Variants in TEKT2 observed in about 807,000 individuals in gnomAD.
TEKT2 encodes tektin-2.
Under a neutral mutation model 49.8 loss-of-function variants are expected in TEKT2, and 45 were observed. The observed-to-expected ratio is 0.90, with a 90% confidence interval of 0.71 to 1.16. The LOEUF (loss-of-function observed/expected upper bound fraction) is 1.16. Among genes scored for constraint, TEKT2 ranks in the 50% most tolerant of loss-of-function variants. TEKT2 has a pLI of 0.00. For synonymous variants in TEKT2, 202 were observed against 224.6 expected, an observed-to-expected ratio of 0.90 and a Z score of 0.90; for missense variants, 523 against 551.4, an observed-to-expected ratio of 0.95 and a Z score of 0.52.
In TEKT2 at chr1:36,086,802, C is replaced by T; in HGVS notation, c.587C>T (p.Ser196Phe). ...GGCTGTCTCTCTCTCAACCTCAGATCCCCAAACATCTCGCTGAAGGTTGAC... is the reference window on the plus strand; with the variant it reads ...GGCTGTCTCTCTCTCAACCTCAGATTCCCAAACATCTCGCTGAAGGTTGAC... ...DRGCLSLNLR[S>F]PNISLKVDPT... The change falls in exon 5 of 10, where the codon TCC becomes TTC. Residue 196 changes from serine to phenylalanine, a missense_variant. By Grantham distance (155) the Ser-to-Phe change is radical (BLOSUM62 -2). Coordinates refer to ENST00000207457, the MANE Select transcript of TEKT2 (RefSeq NM_014466.3). The T allele has an allele frequency of 6.2e-7, 1 of 1,614,110 alleles. No individual in the cohort carries two copies. The highest frequency in any genetic ancestry group is 8.5e-7 in the Non-Finnish European group (1 of 1,180,018).
chr1:36,087,834 G>C lies in TEKT2; in HGVS notation c.1079+27G>C, dbSNP rs372096279. On this transcript the variant is annotated intron_variant, in intron 9 of 9. Coordinates refer to ENST00000207457, the MANE Select transcript of TEKT2 (RefSeq NM_014466.3). The surrounding 1 kb of genome is among the most constrained non-coding windows in gnomAD (Gnocchi z 4.9). ...TAGGTCTCGGGAGTGGGCGGAAGGA[G>C]CAGTGAGACGCTGCCCACAAATGGG... is the stretch of plus-strand genomic sequence containing the variant. 1.2e-6 allele frequency: 2 copies of C among 1,611,658 alleles called. No individual in the cohort carries two copies. The highest frequency in any genetic ancestry group is 2.7e-5 in the African/African-American group (2 of 74,922).
At position 36,088,272 on chromosome 1, in the gene TEKT2, C is replaced by A; in HGVS notation, c.*86C>A. Reference sequence around the variant, plus strand: ...AATGAATGGAATAAATGCAGAGGATCTCAGGCCGGCTGTTCTCTGCCCCAC... The same window carrying A: ...AATGAATGGAATAAATGCAGAGGATATCAGGCCGGCTGTTCTCTGCCCCAC... On this transcript the variant is annotated 3_prime_UTR_variant, in exon 10 of 10. Transcript: ENST00000207457. The A allele has an allele frequency of 8.1e-7, 1 of 1,236,936 alleles. No homozygotes were observed. Among genetic ancestry groups the A allele is most frequent in the Non-Finnish European group, 1.1e-6 (1 of 871,648 alleles). 76.6% of individuals were successfully genotyped at this position (1,236,936 alleles called of 1,614,324 possible). A position where few individuals can be genotyped will look rare whatever the true frequency, so the allele number is the denominator to read the frequency against.
rs1200065314 is a variant in TEKT2 at position 36,086,809 on chromosome 1, C to T, written c.594C>T (p.Asn198=). The change falls in exon 5 of 10, where the codon AAC becomes AAT. Residue 198 remains asparagine (N), a synonymous_variant. Coordinates refer to ENST00000207457, the MANE Select transcript of TEKT2 (RefSeq NM_014466.3). ...GCLSLNLRSP[N]ISLKVDPTRV... ...TCTCTCTCAACCTCAGATCCCCAAA[C>T]ATCTCGCTGAAGGTTGACCCCACAC... 2.5e-6 allele frequency: 4 copies of T among 1,614,066 alleles called. No homozygotes were observed. The highest frequency in any genetic ancestry group is 1.7e-6 in the Non-Finnish European group (2 of 1,180,052).
At position 36,087,021 on chromosome 1, in the gene TEKT2, G is replaced by A; in HGVS notation, c.723G>A (p.Glu241=). ...TGAAGGCAGCCACAGAGCTGAGGGA[G>A]GCCACTGCTCTAACTATTGCTGAGG... ...AEMKAATELR[E]ATALTIAETN... The change falls in exon 6 of 10, where the codon GAG becomes GAA. Residue 241 remains glutamate, a synonymous_variant. Transcript: ENST00000207457. This position sits in a 1 kb window ranked among gnomAD's most constrained non-coding sequence, Gnocchi z 4.9. 6.2e-7 allele frequency: 1 copy of A among 1,614,004 alleles called. No individual in the cohort carries two copies. The highest frequency in any genetic ancestry group is 8.5e-7 in the Non-Finnish European group (1 of 1,180,026).
chr1:36,086,873 C>A, intron 5 of TEKT2, 26 bp downstream of exon 5: 1 of 1,614,100 alleles, frequency 6.2e-7, no homozygotes, highest in Non-Finnish European at 8.5e-7. Context: ...CAGCCAGTCT[C>A]TTCTCCTCCC....
rs539342638 is a variant in TEKT2 at position 36,087,137 on chromosome 1, G to A, written c.748-67G>A. On this transcript the variant is annotated intron_variant, in intron 6 of 9. Coordinates refer to ENST00000207457, the MANE Select transcript of TEKT2 (RefSeq NM_014466.3). This position sits in a 1 kb window ranked among gnomAD's most constrained non-coding sequence, Gnocchi z 4.9. ...CTGTGCATGTGGCCCCCTGCCCCTC[G>A]CTTGAGTAATATCCTCAGGCAGCCC... is the stretch of plus-strand genomic sequence containing the variant. 8.1e-5 allele frequency: 131 copies of A among 1,608,086 alleles called. No individual in the cohort carries two copies. The highest frequency in any genetic ancestry group is 1.0e-4 in the Non-Finnish European group (118 of 1,175,396).
intron 4 of TEKT2, among the ~76,000 whole-genome samples, chr1:36,086,489 C>G (rs893212307): frequency 6.6e-6 from 1 of 151,546 alleles, no homozygotes; most frequent in East Asian, 1.9e-4. Flanking sequence ...GTGTAGGGCA[C>G]GTGGGGGCAG....
rs199939002 is a variant in TEKT2 at position 36,087,748 on chromosome 1, C to T, written c.1020C>T (p.Asp340=). Residue 340 remains aspartate (D), a synonymous_variant, in exon 9 of 10, where the codon GAC becomes GAT. Coordinates refer to ENST00000207457, the MANE Select transcript of TEKT2 (RefSeq NM_014466.3). The surrounding 1 kb of genome is among the most constrained non-coding windows in gnomAD (Gnocchi z 4.9). ...CRDQAQYGLT[D]EVHQLEATIA... ...TCCAGGCACAGTACGGCCTCACCGA[C>T]GAGGTTCACCAGCTAGAGGCAACCA... 20 of 1,613,800 alleles carry T rather than the reference C, an allele frequency of 1.2e-5. No individual in the cohort carries two copies. The highest frequency in any genetic ancestry group is 2.2e-5 in the East Asian group (1 of 44,886).
chr1:36,086,180 C>A, intron 4 of TEKT2, 139 bp downstream of exon 4: 1 of 911,212 alleles, frequency 1.1e-6, no homozygotes, highest in Non-Finnish European at 1.8e-6. Flanking sequence ...TGACAGAAAC[C>A]ACTAATCAAT....
At chr1:36,086,440 G>A (rs1489218833) in intron 4 of TEKT2, among the ~76,000 whole-genome samples, 1 of 151,926 alleles carries the variant, frequency 6.6e-6, no homozygotes, top group Non-Finnish European at 1.5e-5. Context: ...TGTAGGACGC[G>A]TGGGGTCAGC....
Position 36,086,996 on chromosome 1 carries a change from T to A in TEKT2, c.698T>A (p.Met233Lys), listed in dbSNP as rs201546652. Residue 233 changes from methionine to lysine, a missense_variant, in exon 6 of 10, where the codon ATG becomes AAG. Met to Lys is a moderately conservative substitution (Grantham distance 95, BLOSUM62 -1). Coordinates refer to ENST00000207457, the MANE Select transcript of TEKT2 (RefSeq NM_014466.3). ...RFNKDRAEAEMKAATELREAT... is the reference protein window; with the variant it reads ...RFNKDRAEAEKKAATELREAT... ...AACAAGGACCGAGCGGAGGCTGAGA[T>A]GAAGGCAGCCACAGAGCTGAGGGAG... The A allele has an allele frequency of 2.5e-6, 4 of 1,614,006 alleles. No homozygotes were observed. Among genetic ancestry groups the A allele is most frequent in the African/African-American group, 2.7e-5 (2 of 75,056 alleles).
chr1:36,084,538 A>G lies in TEKT2; in HGVS notation c.-52-332A>G. On this transcript the variant is annotated intron_variant, in intron 1 of 9. Transcript: ENST00000207457. This position sits in a 1 kb window ranked among gnomAD's most constrained non-coding sequence, Gnocchi z 4.1. Reference sequence around the variant, plus strand: ...ATGGTTGGCTGGGGGCAGGTGTGGAAAATGCATTAAGGGCAATTTTTTTCT... The same window carrying G: ...ATGGTTGGCTGGGGGCAGGTGTGGAGAATGCATTAAGGGCAATTTTTTTCT... The G allele has an allele frequency of 2.9e-6, 1 of 342,094 alleles. No homozygotes were observed. Among genetic ancestry groups the G allele is most frequent in the Non-Finnish European group, 5.6e-6 (1 of 179,420 alleles). 21.2% of individuals were successfully genotyped at this position (342,094 alleles called of 1,614,324 possible).
intron 4 of TEKT2, among the ~76,000 whole-genome samples, 171 bp from the exon 5 acceptor site, chr1:36,086,533 G>A (rs547968217): frequency 6.6e-6 from 1 of 151,902 alleles, no homozygotes. Context: ...GGCATGTGGG[G>A]GCAGCATTTT....
intron 4 of TEKT2, 54 bp downstream of exon 4, chr1:36,086,095 C>T (rs1643369057): frequency 6.5e-7 from 1 of 1,537,838 alleles, no homozygotes; most frequent in Non-Finnish European, 8.8e-7. Context: ...GGCTGTGTGC[C>T]TTCAATGTGG....
intron 2 of TEKT2, 28 bp downstream of exon 2, chr1:36,085,105 G>A (rs149648032): frequency 1.6e-5 from 26 of 1,614,212 alleles, no homozygotes; most frequent in Non-Finnish European, 2.2e-5. Context: ...AGCTGGGTGG[G>A]CAAAGGGATA....
In TEKT2 at chr1:36,087,133, C is replaced by T. The variant is rs1643391475; in HGVS notation, c.748-71C>T. The T allele has an allele frequency of 3.1e-6, 5 of 1,606,300 alleles. No homozygotes were observed. The highest frequency in any genetic ancestry group is 1.7e-5 in the Admixed American group (1 of 59,654). ...CCTGCTGTGCATGTGGCCCCCTGCCCCTCGCTTGAGTAATATCCTCAGGCA... is the reference window on the plus strand; with the variant it reads ...CCTGCTGTGCATGTGGCCCCCTGCCTCTCGCTTGAGTAATATCCTCAGGCA... On this transcript the variant is annotated intron_variant, in intron 6 of 9. Transcript: ENST00000207457. The surrounding 1 kb of genome is among the most constrained non-coding windows in gnomAD (Gnocchi z 4.9).
Position 36,086,030 on chromosome 1 carries a change from C to A in TEKT2, c.477C>A (p.Phe159Leu). ...KALQQKVSQA[F>L]EQLCLLQEVQ... is the part of the protein sequence containing the mutation. ...TGCAACAGAAGGTCAGCCAGGCCTT[C>A]GAGCAGCTCTGGTAAGGGAGAGGCA... Residue 159 changes from phenylalanine to leucine, a missense_variant, in exon 4 of 10, where the codon TTC (phenylalanine) becomes TTA (leucine). Phe to Leu is a conservative substitution (Grantham distance 22). Coordinates refer to ENST00000207457, the MANE Select transcript of TEKT2 (RefSeq NM_014466.3). The A allele has an allele frequency of 6.3e-7, 1 of 1,583,324 alleles. No homozygotes were observed. The highest frequency in any genetic ancestry group is 8.6e-7 in the Non-Finnish European group (1 of 1,164,196).
chr1:36,086,012 G>A lies in TEKT2; in HGVS notation c.459G>A (p.Gln153=). The A allele has an allele frequency of 1.3e-6, 2 of 1,598,974 alleles. No homozygotes were observed. The highest frequency in any genetic ancestry group is 2.2e-5 in the South Asian group (2 of 88,934). ...VIEATKKALQ[Q]KVSQAFEQLC... The stretch of plus-strand genomic sequence containing the variant: ...AGGCCACCAAGAAGGCCTTGCAACA[G>A]AAGGTCAGCCAGGCCTTCGAGCAGC... Residue 153 remains glutamine, a synonymous_variant, in exon 4 of 10, where the codon CAG becomes CAA. Transcript: ENST00000207457.
intron 4 of TEKT2, among the ~76,000 whole-genome samples, chr1:36,086,382 A>G (rs150778580): frequency 4.7e-4 from 72 of 152,222 alleles, no homozygotes; most frequent in African/African-American, 1.7e-3. Context: ...GCAGGTGTAT[A>G]GGGCTCATGG....
Sources: gnomAD v4.1 joint callset for allele counts (sites outside exome capture counted in the v4.1 genomes callset) on GRCh38, gnomAD v4.1.1 for gene constraint, Gnocchi (gnomAD v3.1) non-coding constraint, MANE v1.5 for transcripts, NCBI Gene and HGNC (gene_info 2026-07-23, HGNC 2026-07-21) for gene names.